RAB22A: variants seen among roughly 807,000 people sequenced by gnomAD.
The protein encoded by RAB22A is RAB22A, member RAS oncogene family.
A neutral mutation model predicts 30.2 loss-of-function variants in RAB22A; 13 were observed. The observed-to-expected ratio is 0.43, with a 90% CI of 0.28 to 0.68. RAB22A has a LOEUF of 0.68. RAB22A is among the 30% of genes least tolerant of loss of function. The pLI, the probability that RAB22A is intolerant of heterozygous loss-of-function variation, is 0.18. For synonymous variants in RAB22A, 89 were observed against 87.2 expected, an observed-to-expected ratio of 1.02 and a Z score of -0.11; for missense variants, 177 against 246.8, an observed-to-expected ratio of 0.72 and a Z score of 1.89.
chr20:58,320,261 A>G (rs113648643), intron 2 of RAB22A, among the ~76,000 whole-genome samples: 32 of 152,374 alleles, frequency 2.1e-4, no homozygotes, highest in African/African-American at 6.0e-4. Context: ...TGCAGATTCA[A>G]TTCCTTTAGT....
rs573146738 is a variant in RAB22A at position 58,334,924 on chromosome 20, C to T, written c.117-8794C>T. Among the ~76,000 whole-genome samples the T allele has an allele frequency of 3.3e-5, 5 of 152,228 alleles. No individual in the cohort carries two copies. In the South Asian group the frequency reaches 8.3e-4, roughly 25 times the overall value. The stretch of plus-strand genomic sequence containing the variant: ...AATAAAAGTATAAATGGTTTAACTA[C>T]TTTGGAAGACTCTTTTTATGTTTAT... On this transcript the variant is annotated intron_variant, in intron 2 of 6. Transcript: ENST00000244040.
chr20:58,349,787 A>G (rs1234067020), intron 3 of RAB22A, among the ~76,000 whole-genome samples: 2 of 152,182 alleles, frequency 1.3e-5, no homozygotes, highest in East Asian at 1.9e-4. Flanking sequence ...TTCAGAGAAG[A>G]AAAAAACCAA....
At chr20:58,336,522 G>T (rs1986757434) in intron 2 of RAB22A, among the ~76,000 whole-genome samples, 2 of 151,956 alleles carry the variant, frequency 1.3e-5, no homozygotes, top group Admixed American at 1.3e-4. Flanking sequence ...GTATTTTATT[G>T]TCTCTTGGGA....
chr20:58,317,556 C>CTTTTT (rs35819954), intron 2 of RAB22A, among the ~76,000 whole-genome samples: 1 of 124,932 alleles, frequency 8.0e-6, no homozygotes, highest in African/African-American at 3.0e-5. Context: ...AGTTATTATT[C>CTTTTT]TTTTTTTTTT....
At position 58,366,723 on chromosome 20, in the gene RAB22A, T is replaced by TA. The variant is rs1184855638; in HGVS notation, c.*7021dup. ...CAGAAAGAGAATAGCAGCGCTCGCT[T>TA]ACCGTGGGAACACGGCCAGTTAACA... On this transcript the variant is annotated 3_prime_UTR_variant, in exon 7 of 7. Coordinates refer to ENST00000244040, the MANE Select transcript of RAB22A (RefSeq NM_020673.3). 1.3e-5 allele frequency: 2 copies of TA among 152,250 alleles called. No individual in the cohort carries two copies. Among genetic ancestry groups the TA allele is most frequent in the Non-Finnish European group, 2.9e-5 (2 of 68,048 alleles). The allele number at this position is 152,250 out of a possible 1,614,324, so 9.4% of individuals were successfully genotyped here.
chr20:58,341,106 A>G (rs969114986), intron 2 of RAB22A, among the ~76,000 whole-genome samples: 2 of 152,180 alleles, frequency 1.3e-5, no homozygotes, highest in African/African-American at 4.8e-5. Context: ...GTATGAGTGG[A>G]AATTCGTCTG....
chr20:58,338,447 C>T (rs1403624512), intron 2 of RAB22A, among the ~76,000 whole-genome samples: 7 of 152,182 alleles, frequency 4.6e-5, no homozygotes, highest in South Asian at 2.1e-4. Context: ...TGGAACAGTC[C>T]GTTGTGCACC....
At chr20:58,356,796 T>C (rs1216478596) in intron 6 of RAB22A, among the ~76,000 whole-genome samples, 1 of 152,222 alleles carries the variant, frequency 6.6e-6, no homozygotes, top group African/African-American at 2.4e-5. Context: ...TCCATGTCAT[T>C]GCATCTAGCT....
chr20:58,356,786 T>C (rs1274874399), intron 6 of RAB22A, among the ~76,000 whole-genome samples: 2 of 152,216 alleles, frequency 1.3e-5, no homozygotes, highest in Admixed American at 6.5e-5. Context: ...TTTTAGACCA[T>C]CCATGTCATT....
rs778104594 is a variant in RAB22A at position 58,362,068 on chromosome 20, T to C, written c.*2365T>C. On this transcript the variant is annotated 3_prime_UTR_variant, in exon 7 of 7. Transcript: ENST00000244040. ...TGTTTTATTAACAGAATGAGTGATA[T>C]GAAGCTTGTACTTATGCATTTCTCG... The C allele has an allele frequency of 6.6e-6, 1 of 152,192 alleles. No individual in the cohort carries two copies. Among genetic ancestry groups the C allele is most frequent in the South Asian group, 2.1e-4 (1 of 4,824 alleles). 9.4% of individuals were successfully genotyped at this position (152,192 alleles called of 1,614,324 possible). A position where few individuals can be genotyped will look rare whatever the true frequency, so the allele number is the denominator to read the frequency against.
At chr20:58,345,010 C>T (rs1213797577) in intron 3 of RAB22A, among the ~76,000 whole-genome samples, 1 of 152,152 alleles carries the variant, frequency 6.6e-6, no homozygotes, top group African/African-American at 2.4e-5. Flanking sequence ...CCTTTGCTAA[C>T]CATCCCTCTT....
chr20:58,313,760 G>A (rs1028588914), intron 2 of RAB22A, among the ~76,000 whole-genome samples: 1 of 152,200 alleles, frequency 6.6e-6, no homozygotes, highest in African/African-American at 2.4e-5. Context: ...TAGACCAGGG[G>A]TGGGCAAACT....
intron 2 of RAB22A, among the ~76,000 whole-genome samples, chr20:58,315,284 G>T (rs556933): frequency 6.6e-6 from 1 of 151,868 alleles, no homozygotes; most frequent in Non-Finnish European, 1.5e-5. Context: ...CACCTCCCTC[G>T]GACACCTCAC....
intron 1 of RAB22A, among the ~76,000 whole-genome samples, chr20:58,310,275 C>G (rs993896325): frequency 3.3e-5 from 5 of 152,180 alleles, no homozygotes; most frequent in East Asian, 1.9e-4. Flanking sequence ...AACAGCCCCC[C>G]CTTGCCTCTC....
intron 2 of RAB22A, among the ~76,000 whole-genome samples, chr20:58,323,806 A>G (rs980270556): frequency 3.4e-5 from 5 of 147,794 alleles, no homozygotes; most frequent in South Asian, 4.3e-4. Context: ...GGGATCTTTG[A>G]TTTTTTTTTT....
At chr20:58,346,401 CCT>C (rs1326464449) in intron 3 of RAB22A, among the ~76,000 whole-genome samples, 1 of 152,182 alleles carries the variant, frequency 6.6e-6, no homozygotes, top group Admixed American at 6.5e-5. Flanking sequence ...CCCCGGGGCT[CCT>C]CTCTTCTCAG....
chr20:58,357,980 T>C (rs1485804051), intron 6 of RAB22A, among the ~76,000 whole-genome samples: 1 of 152,218 alleles, frequency 6.6e-6, no homozygotes. Context: ...AACATAAAGA[T>C]GGACAAATAG....
At chr20:58,359,257 G>A (rs1381252238) in intron 6 of RAB22A, among the ~76,000 whole-genome samples, 1 of 152,180 alleles carries the variant, frequency 6.6e-6, no homozygotes, top group Non-Finnish European at 1.5e-5. Context: ...ACTAAGTGCT[G>A]TGTGATATCC....
At chr20:58,341,127 G>C (rs1986847243) in intron 2 of RAB22A, among the ~76,000 whole-genome samples, 1 of 152,184 alleles carries the variant, frequency 6.6e-6, no homozygotes, top group Non-Finnish European at 1.5e-5. Flanking sequence ...TTCTCTAGTT[G>C]AAAGTGTTGA....
Sources: gnomAD v4.1 joint callset for allele counts (sites outside exome capture counted in the v4.1 genomes callset) on GRCh38, gnomAD v4.1.1 for gene constraint, MANE v1.5 for transcripts, NCBI Gene and HGNC (gene_info 2026-07-23, HGNC 2026-07-21) for gene names.